Variants in ZFAND2A observed in about 807,000 individuals in gnomAD.
ZFAND2A encodes zinc finger AN1-type containing 2A.
A neutral mutation model predicts 11.6 loss-of-function variants in ZFAND2A; 20 were observed. The ratio of observed to expected loss-of-function variants is 1.72; its 90% CI spans 1.21 to 2.50. The LOEUF is 2.50. Ranked by LOEUF, ZFAND2A falls within the 30% of genes most tolerant of loss-of-function variation. ZFAND2A has a pLI of 0.00. For missense variants in ZFAND2A, 234 were observed against 182.9 expected, an observed-to-expected ratio of 1.28 and a Z score of -1.61; for synonymous variants, 93 against 60.6, an observed-to-expected ratio of 1.54 and a Z score of -2.48.
chr7:1,157,453 C>A, intron 3 of ZFAND2A: 1 of 458,168 alleles, frequency 2.2e-6, no homozygotes, highest in Non-Finnish European at 3.9e-6. Context: ...AGTCATCCAA[C>A]AGAATGTCCT....
intron 4 of ZFAND2A, among the ~76,000 whole-genome samples, 186 bp downstream of exon 4, chr7:1,155,267 A>G (rs1315061003): frequency 1.3e-5 from 2 of 152,208 alleles, no homozygotes; most frequent in Non-Finnish European, 2.9e-5. Context: ...CTCATATTAA[A>G]GAACATTTAT....
chr7:1,157,804 G>C (rs190064610), intron 2 of ZFAND2A, 54 bp from the exon 3 acceptor site: 2 of 1,341,266 alleles, frequency 1.5e-6, no homozygotes, highest in Non-Finnish European at 2.0e-6. Context: ...AATACTTCCA[G>C]ATAGTACTAT....
rs186844195 is a variant in ZFAND2A at position 1,158,254 on chromosome 7, T to C, written c.-42A>G. The stretch of plus-strand genomic sequence containing the variant: ...AAAACGCAGATGGCGGAGTTAAGTG[T>C]CACCTACAAGAGAATCAGAATAGTT... On this transcript the variant is annotated 5_prime_UTR_variant, in exon 2 of 5. Transcript: ENST00000316495. 3.3e-3 allele frequency: 5,236 copies of C among 1,586,054 alleles called. 9 individuals are homozygous for C. The highest frequency in any genetic ancestry group is 4.0e-3 in the Non-Finnish European group (4,579 of 1,155,780).
At chr7:1,155,835 G>C (rs112989644) in intron 3 of ZFAND2A, among the ~76,000 whole-genome samples, 3,611 of 152,330 alleles carry the variant, frequency 0.024, 58 homozygotes, top group Non-Finnish European at 0.03. Flanking sequence ...GCAGAAACCA[G>C]CTGGGGCCAT....
rs1239628169 is a variant in ZFAND2A, at chr7:1,157,768, G to C, written c.56-18C>G. 6.6e-7 allele frequency: 1 copy of C among 1,524,204 alleles called. No homozygotes were observed. Among genetic ancestry groups the C allele is most frequent in the African/African-American group, 1.4e-5 (1 of 70,870 alleles). 94.4% of individuals were successfully genotyped at this position (1,524,204 alleles called of 1,614,324 possible). On this transcript the variant is annotated intron_variant, in intron 2 of 4. Coordinates refer to ENST00000316495, the MANE Select transcript of ZFAND2A (RefSeq NM_182491.4). ...AAGAAAATCTAAAAAACAAAAAACAGGGAAGTGTTTTAACGACTGGAACAA... is the reference window on the plus strand; with the variant it reads ...AAGAAAATCTAAAAAACAAAAAACACGGAAGTGTTTTAACGACTGGAACAA...
At chr7:1,150,822 G>C (rs1203564157), downstream of ZFAND2A, among the ~76,000 whole-genome samples, 2 of 151,482 alleles carry the variant, frequency 1.3e-5, no homozygotes, top group South Asian at 4.2e-4. Flanking sequence ...CAACTTTCTT[G>C]TTGGTGCTGA....
intron 2 of ZFAND2A, 26 bp downstream of exon 2, chr7:1,158,132 C>T (rs1258119639): frequency 2.5e-6 from 4 of 1,608,830 alleles, no homozygotes; most frequent in Non-Finnish European, 3.4e-6. Context: ...ATACCATTTT[C>T]TATTAAGTCT....
At chr7:1,155,671 C>G in intron 3 of ZFAND2A, 87 bp from the exon 4 acceptor site, 2 of 1,520,658 alleles carry the variant, frequency 1.3e-6, no homozygotes, top group Admixed American at 2.0e-5. Flanking sequence ...GTGCGGCACA[C>G]TTAAACACAA....
At chr7:1,155,687 G>A in intron 3 of ZFAND2A, 103 bp from the exon 4 acceptor site, 3 of 1,458,646 alleles carry the variant, frequency 2.1e-6, no homozygotes, top group Admixed American at 2.2e-5. Context: ...CACAAAGAGA[G>A]GACAAAAACC....
downstream of ZFAND2A, among the ~76,000 whole-genome samples, chr7:1,152,516 G>C (rs1793418590): frequency 6.6e-6 from 1 of 152,184 alleles, no homozygotes; most frequent in Non-Finnish European, 1.5e-5. Context: ...ACAAACATTA[G>C]CATTACGAGT....
At chr7:1,157,931 C>T (rs1369738388) in intron 2 of ZFAND2A, among the ~76,000 whole-genome samples, 181 bp from the exon 3 acceptor site, 1 of 152,184 alleles carries the variant, frequency 6.6e-6, no homozygotes, top group Non-Finnish European at 1.5e-5. Flanking sequence ...CCTATGGCAT[C>T]GCAAGTATTC....
At chr7:1,153,956 A>G (rs1374070236) in intron 4 of ZFAND2A, among the ~76,000 whole-genome samples, 1 of 152,044 alleles carries the variant, frequency 6.6e-6, no homozygotes, top group African/African-American at 2.4e-5. Flanking sequence ...AAAGAAAGAA[A>G]AAAAAAAGCC....
intron 1 of ZFAND2A, 104 bp from the exon 2 acceptor site, chr7:1,158,361 G>A: frequency 1.4e-6 from 1 of 690,772 alleles, no homozygotes; most frequent in Non-Finnish European, 2.5e-6. Context: ...CGCACTGTGT[G>A]GGGAGCATTC....
chr7:1,154,385 G>A (rs372463459), intron 4 of ZFAND2A, among the ~76,000 whole-genome samples: 28 of 152,266 alleles, frequency 1.8e-4, no homozygotes, highest in African/African-American at 6.7e-4. Context: ...GCAGAACACA[G>A]GGCGTGCCCA....
downstream of ZFAND2A, among the ~76,000 whole-genome samples, chr7:1,152,613 G>T (rs190128557): frequency 6.6e-6 from 1 of 152,286 alleles, no homozygotes; most frequent in Non-Finnish European, 1.5e-5. Context: ...CTTTTCAGAG[G>T]TCACGACTGT....
chr7:1,157,325 G>C (rs995389789), intron 3 of ZFAND2A: 7 of 190,950 alleles, frequency 3.7e-5, no homozygotes, highest in Non-Finnish European at 6.4e-5. Context: ...TGGTGTAACA[G>C]CTATGGTGTA....
In ZFAND2A at chr7:1,159,953, C is replaced by T. The variant is rs573394024; in HGVS notation, c.-46+11G>A. On this transcript the variant is annotated intron_variant, in intron 1 of 4. Transcript: ENST00000316495. ...CCGGCAGACCCTGTCTGCGCAATCC[C>T]GGCCCCGTACCTGGCTCTCGTCGGG... is the stretch of plus-strand genomic sequence containing the variant. 3.1e-5 allele frequency: 5 copies of T among 159,998 alleles called. No individual in the cohort carries two copies. In the East Asian group the frequency reaches 7.7e-4, roughly 25 times the overall value. The allele number at this position is 159,998 out of a possible 1,614,324, so 9.9% of individuals were successfully genotyped here.
rs1216099384 is a variant in ZFAND2A at position 1,153,101 on chromosome 7, G to T, written c.406C>A (p.His136Asn). 1.2e-6 allele frequency: 2 copies of T among 1,614,102 alleles called. No homozygotes were observed. Among genetic ancestry groups the T allele is most frequent in the African/African-American group, 2.7e-5 (2 of 74,922 alleles). Residue 136 changes from histidine to asparagine, a missense_variant, in exon 5 of 5, where the codon CAC (histidine) becomes AAC (asparagine). His to Asn is a moderately conservative substitution (Grantham distance 68). Transcript: ENST00000316495. The stretch of plus-strand genomic sequence containing the variant: ...GCTTTGATGGTGGGGCGACTCCCGT[G>T]TCTGCAGCTGTGGTCCAAAGGGTGT... ...HRHPLDHSCR[H>N]GSRPTIKAG
At chr7:1,157,884 A>T in intron 2 of ZFAND2A, 134 bp from the exon 3 acceptor site, 1 of 757,344 alleles carries the variant, frequency 1.3e-6, no homozygotes, top group Non-Finnish European at 2.1e-6. Flanking sequence ...CACACATGTG[A>T]AAACAATCCC....
Sources: gnomAD v4.1 joint callset for allele counts (sites outside exome capture counted in the v4.1 genomes callset) on GRCh38, gnomAD v4.1.1 for gene constraint, MANE v1.5 for transcripts, NCBI Gene and HGNC (gene_info 2026-07-23, HGNC 2026-07-21) for gene names.